Variants in NEXMIF observed in about 807,000 individuals in gnomAD.
NEXMIF encodes neurite extension and migration factor.
In NEXMIF, 8 loss-of-function variants were observed where a neutral mutation model predicts 62.1. The ratio of observed to expected loss-of-function variants is 0.13; its 90% CI spans 0.08 to 0.23. NEXMIF has a LOEUF of 0.23. Ranked by LOEUF, NEXMIF falls within the 10% of genes least tolerant of loss-of-function variation. NEXMIF has a pLI of 1.00. For synonymous variants in NEXMIF, 404 were observed against 416.6 expected (o/e 0.97, Z 0.37); for missense variants, 976 against 1,113.3 (o/e 0.88, Z 1.75).
intron 1 of NEXMIF, among the ~76,000 whole-genome samples, chrX:74,791,577 G>A (rs1460491606): frequency 9.0e-6 from 1 of 111,430 alleles, no homozygotes; most frequent in Admixed American, 9.5e-5. Flanking sequence ...TGTACCTCTG[G>A]TAGAATTCGG....
intron 1 of NEXMIF, chrX:74,769,896 C>A (rs2080204871): frequency 6.8e-6 from 2 of 293,952 alleles, no homozygotes; most frequent in East Asian, 1.1e-4. Context: ...AGACTTATAT[C>A]CCCTGTTGTT....
In NEXMIF at chrX:74,734,854, G is replaced by A. The variant is rs1272226185; in HGVS notation, c.*4551C>T. On this transcript the variant is annotated 3_prime_UTR_variant, in exon 4 of 4. Transcript: ENST00000055682. ...AAATGTGCCTTAAAGGGTAGCCTGA[G>A]TCCTGTCATCAAAATAATCACATGC... The A allele has an allele frequency of 8.9e-6, 1 of 111,959 alleles. No homozygotes were observed. Among genetic ancestry groups the A allele is most frequent in the African/African-American group, 3.3e-5 (1 of 30,702 alleles). 9.2% of individuals were successfully genotyped at this position (111,959 alleles called of 1,213,427 possible).
In NEXMIF at chrX:74,750,639, T is replaced by A. The variant is rs975323214; in HGVS notation, c.-47-4942A>T. Among the ~76,000 whole-genome samples the A allele has an allele frequency of 5.4e-5, 6 of 111,785 alleles. No individual in the cohort carries two copies. In the East Asian group the frequency reaches 1.4e-3, roughly 26 times the overall value. ...CTTCCCAGTCTAGCTTTAGTCAGAA[T>A]AATGGATGGCAGAATCAGCAACAGT... On this transcript the variant is annotated intron_variant, in intron 1 of 3. Coordinates refer to ENST00000055682, the MANE Select transcript of NEXMIF (RefSeq NM_001008537.3).
chrX:74,920,618 C>A (rs1011490179), intron 1 of NEXMIF, among the ~76,000 whole-genome samples: 2 of 111,834 alleles, frequency 1.8e-5, no homozygotes, highest in Admixed American at 1.9e-4. Context: ...TGTGCAGAAG[C>A]TCTTTAGTTG....
At chrX:74,778,113 G>C in intron 1 of NEXMIF, among the ~76,000 whole-genome samples, 1 of 112,053 alleles carries the variant, frequency 8.9e-6, no homozygotes, top group Non-Finnish European at 1.9e-5. Flanking sequence ...TTTGTGTCCT[G>C]TAGTTCACCT....
At position 74,742,574 on chromosome X, in the gene NEXMIF, G is replaced by A. The variant is rs138583612; in HGVS notation, c.1983C>T (p.His661=). ...CTCCATCTTCTTTATGATTACTAGC[G>A]TGCCTCTGATCATTACATAATGAAA... is the stretch of plus-strand genomic sequence containing the variant. ...KQISLCNDQR[H]ASNHKEDGGL... Residue 661 remains histidine (H), a synonymous_variant, in exon 3 of 4, where the codon CAC becomes CAT. Coordinates refer to ENST00000055682, the MANE Select transcript of NEXMIF (RefSeq NM_001008537.3). The A allele has an allele frequency of 1.7e-4, 210 of 1,206,790 alleles. No homozygotes were observed. Among genetic ancestry groups the A allele is most frequent in the Middle Eastern group, 2.3e-4 (1 of 4,346 alleles).
intron 1 of NEXMIF, among the ~76,000 whole-genome samples, chrX:74,922,068 G>C (rs2080828830): frequency 9.0e-6 from 1 of 111,474 alleles, no homozygotes; most frequent in Admixed American, 9.5e-5. Context: ...ACACTATGGT[G>C]GTCCGTGAGA....
chrX:74,882,753 C>T (rs1460637170), intron 1 of NEXMIF, among the ~76,000 whole-genome samples: 1 of 112,415 alleles, frequency 8.9e-6, no homozygotes, highest in African/African-American at 3.2e-5. Flanking sequence ...CAGCAATAAC[C>T]TCTGCAGACT....
chrX:74,774,594 A>T (rs1250580842), intron 1 of NEXMIF, among the ~76,000 whole-genome samples: 1 of 112,425 alleles, frequency 8.9e-6, no homozygotes, highest in Non-Finnish European at 1.9e-5. Flanking sequence ...ATAAGATGAC[A>T]GCTCACCTTA....
intron 1 of NEXMIF, among the ~76,000 whole-genome samples, chrX:74,883,486 T>C (rs976285380): frequency 3.7e-5 from 4 of 108,595 alleles, no homozygotes; most frequent in East Asian, 2.8e-4. Flanking sequence ...GGCATGAGAA[T>C]TACGTGACGA....
intron 1 of NEXMIF, among the ~76,000 whole-genome samples, chrX:74,922,868 T>C (rs868738329): frequency 1.3e-4 from 14 of 111,980 alleles, no homozygotes; most frequent in Non-Finnish European, 1.5e-4. Flanking sequence ...TGTTTTTGTA[T>C]GAGTTTATGT....
chrX:74,813,881 T>C (rs2080368039), intron 1 of NEXMIF, among the ~76,000 whole-genome samples: 1 of 112,065 alleles, frequency 8.9e-6, no homozygotes, highest in Non-Finnish European at 1.9e-5. Flanking sequence ...GAAAACATTT[T>C]GTTTACTCTA....
intron 1 of NEXMIF, among the ~76,000 whole-genome samples, chrX:74,751,393 T>G (rs2080141821): frequency 8.9e-6 from 1 of 111,760 alleles, no homozygotes; most frequent in Non-Finnish European, 1.9e-5. Flanking sequence ...GGAGAAAAAC[T>G]AGATTATATC....
intron 1 of NEXMIF, among the ~76,000 whole-genome samples, chrX:74,814,256 T>A (rs1602237337): frequency 1.8e-5 from 2 of 111,887 alleles, no homozygotes; most frequent in Non-Finnish European, 3.8e-5. Context: ...GAACAGGCCA[T>A]GAATCAGTTA....
At position 74,786,848 on chromosome X, in the gene NEXMIF, T is replaced by C. The variant is rs762922628; in HGVS notation, c.-47-41151A>G. On this transcript the variant is annotated intron_variant, in intron 1 of 3. Coordinates refer to ENST00000055682, the MANE Select transcript of NEXMIF (RefSeq NM_001008537.3). ...ACACACACACACACACGTGAGCACATGTGCATGTGCGTGTGTGCACACACA... is the reference window on the plus strand; with the variant it reads ...ACACACACACACACACGTGAGCACACGTGCATGTGCGTGTGTGCACACACA... 3.4e-3 allele frequency among the ~76,000 whole-genome samples: 381 copies of C among 110,667 alleles called. 2 individuals are homozygous for C. The highest frequency in any genetic ancestry group is 0.012 in the African/African-American group (363 of 30,531).
In NEXMIF at chrX:74,815,101, T is replaced by C. The variant is rs1371802397; in HGVS notation, c.-47-69404A>G. 6.2e-5 allele frequency among the ~76,000 whole-genome samples: 7 copies of C among 112,649 alleles called. No homozygotes were observed. The South Asian group carries it at 1.5e-3, about 23-fold the overall frequency. On this transcript the variant is annotated intron_variant, in intron 1 of 3. Transcript: ENST00000055682. Reference sequence around the variant, plus strand: ...GTAGGATTTATTTTTAGAAGACACATAGGTATGTAATTAAAGTAGTGATTT... The same window carrying C: ...GTAGGATTTATTTTTAGAAGACACACAGGTATGTAATTAAAGTAGTGATTT...
chrX:74,872,182 A>G (rs748331852), intron 1 of NEXMIF, among the ~76,000 whole-genome samples: 10 of 111,257 alleles, frequency 9.0e-5, no homozygotes, highest in African/African-American at 3.3e-4. Context: ...CCCCCCGTTC[A>G]GGGTCCCTGA....
At chrX:74,790,638 C>G (rs755574990) in intron 1 of NEXMIF, among the ~76,000 whole-genome samples, 622 of 113,164 alleles carry the variant, frequency 5.5e-3, no homozygotes, top group African/African-American at 0.019. Context: ...TGTTTGTATC[C>G]TCTTTTATTT....
intron 1 of NEXMIF, among the ~76,000 whole-genome samples, chrX:74,817,810 G>A: frequency 9.0e-6 from 1 of 110,749 alleles, no homozygotes; most frequent in Non-Finnish European, 1.9e-5. Flanking sequence ...TTACTTCTAG[G>A]TGATTTTACA....
Sources: allele counts gnomAD v4.1 joint callset (sites outside exome capture counted in the v4.1 genomes callset), GRCh38; gene constraint gnomAD v4.1.1; transcripts MANE v1.5; gene names NCBI Gene and HGNC (gene_info 2026-07-23, HGNC 2026-07-21).